STAMBP: variants seen among roughly 807,000 people sequenced by gnomAD.
STAMBP encodes the protein STAM-binding protein.
Under a neutral mutation model 50.7 loss-of-function variants are expected in STAMBP, and 31 were observed. The observed-to-expected ratio is 0.61, with a 90% CI of 0.46 to 0.83. The LOEUF (loss-of-function observed/expected upper bound fraction) is 0.83. STAMBP is among the 40% of genes least tolerant of loss of function. The pLI is 0.00. For missense variants in STAMBP, 472 were observed against 518.9 expected, an observed-to-expected ratio of 0.91 and a Z score of 0.88; for synonymous variants, 211 against 192.4, an observed-to-expected ratio of 1.10 and a Z score of -0.80.
At position 73,860,141 on chromosome 2, in the gene STAMBP, C is replaced by T. The variant is rs771557793; in HGVS notation, c.1208C>T (p.Pro403Leu). The T allele has an allele frequency of 1.2e-6, 2 of 1,613,412 alleles. No homozygotes were observed. Among genetic ancestry groups the T allele is most frequent in the South Asian group, 2.2e-5 (2 of 90,938 alleles). ...KGFHPHSKDPPLFCSCSHVTV... is the reference protein window; with the variant it reads ...KGFHPHSKDPLLFCSCSHVTV... ...TTTCATCCACACAGCAAGGATCCAC[C>T]TCTGTTCTGTGTACGTATCTATGTA... Residue 403 changes from proline (P) to leucine (L), a missense_variant, in exon 9 of 10, where the codon CCT becomes CTT. Physicochemically the swap from Pro to Leu is moderately conservative, Grantham distance 98. Coordinates refer to ENST00000394070, the MANE Select transcript of STAMBP (RefSeq NM_213622.4).
chr2:73,843,259 G>A lies in STAMBP; in HGVS notation c.204-1554G>A, dbSNP rs1482038769. 4.8e-5 allele frequency among the ~76,000 whole-genome samples: 7 copies of A among 144,842 alleles called. No homozygotes were observed. In the Admixed American group the frequency reaches 4.9e-4, roughly 10 times the overall value. Reference sequence around the variant, plus strand: ...GTCACCCAGGCTGGAGTGCAGTGGTGTGATCAAAGCTCACTGTAACCTCAG... The same window carrying A: ...GTCACCCAGGCTGGAGTGCAGTGGTATGATCAAAGCTCACTGTAACCTCAG... On this transcript the variant is annotated intron_variant, in intron 2 of 9. Transcript: ENST00000394070.
In STAMBP at chr2:73,859,157, A is replaced by G. The variant is rs1329484159; in HGVS notation, c.1006-97A>G. 4.6e-6 allele frequency: 4 copies of G among 868,172 alleles called. 1 individual carries two copies. In the South Asian group the frequency reaches 5.8e-5, roughly 13 times the overall value. 53.8% of individuals were successfully genotyped at this position (868,172 alleles called of 1,614,324 possible). On this transcript the variant is annotated intron_variant, in intron 7 of 9. Coordinates refer to ENST00000394070, the MANE Select transcript of STAMBP (RefSeq NM_213622.4). ...ATGTAATATTTTCAGATTGCAGTTG[A>G]TATGGATAGCTTTAAACCTCAGAAA...
chr2:73,829,649 T>C (rs192978555), intron 1 of STAMBP, 139 bp downstream of exon 1: 1 of 152,350 alleles, frequency 6.6e-6, no homozygotes, highest in East Asian at 1.9e-4. Context: ...AGATGGACTA[T>C]CTCTGCATCC....
At chr2:73,857,210 A>G (rs1677657715) in intron 7 of STAMBP, among the ~76,000 whole-genome samples, 1 of 152,116 alleles carries the variant, frequency 6.6e-6, no homozygotes, top group Admixed American at 6.5e-5. Flanking sequence ...GGTCCTCTCC[A>G]TACCCTACCT....
At chr2:73,860,588 A>C in intron 9 of STAMBP, 1 of 982,254 alleles carries the variant, frequency 1.0e-6, no homozygotes, top group Non-Finnish European at 1.2e-6. Context: ...CACTTCAGAT[A>C]GGTAAATTAA....
At chr2:73,859,434 G>A in intron 8 of STAMBP, 68 bp downstream of exon 8, 2 of 1,248,848 alleles carry the variant, frequency 1.6e-6, no homozygotes, top group East Asian at 2.3e-5. Flanking sequence ...CAGGGGAAAA[G>A]GTCTCTATTC....
chr2:73,852,808 G>T (rs1225627444), intron 7 of STAMBP, among the ~76,000 whole-genome samples: 1 of 149,708 alleles, frequency 6.7e-6, no homozygotes, highest in African/African-American at 2.5e-5. Flanking sequence ...GTCCTGAGTA[G>T]CTGTGATTAC....
At position 73,859,264 on chromosome 2, in the gene STAMBP, C is replaced by T. The variant is rs1377004391; in HGVS notation, c.1016C>T (p.Thr339Ile). 6.2e-7 allele frequency: 1 copy of T among 1,613,894 alleles called. No homozygotes were observed. The highest frequency in any genetic ancestry group is 8.5e-7 in the Non-Finnish European group (1 of 1,179,914). The change falls in exon 8 of 10, where the codon ACA becomes ATA. Residue 339 changes from threonine to isoleucine, a missense_variant. Coordinates refer to ENST00000394070, the MANE Select transcript of STAMBP (RefSeq NM_213622.4). Reference sequence around the variant, plus strand: ...TTTTTCTCTCCTCAGACTCACCCCACACAGACCGCGTTTCTCTCCAGTGTC... The same window carrying T: ...TTTTTCTCTCCTCAGACTCACCCCATACAGACCGCGTTTCTCTCCAGTGTC... ...ITLGWIHTHP[T>I]QTAFLSSVDL... is the part of the protein sequence containing the mutation.
downstream of STAMBP, among the ~76,000 whole-genome samples, chr2:73,871,395 A>G (rs1355878333): frequency 1.3e-5 from 2 of 151,844 alleles, no homozygotes; most frequent in Admixed American, 6.6e-5. Context: ...AATACCAAAA[A>G]AAATTAGCCA....
chr2:73,849,154 T>C (rs1676489703), intron 5 of STAMBP, among the ~76,000 whole-genome samples: 1 of 152,202 alleles, frequency 6.6e-6, no homozygotes, highest in Non-Finnish European at 1.5e-5. Flanking sequence ...CTTCTTGAAG[T>C]AATGTGCTCC....
chr2:73,834,388 G>C (rs1403538791), intron 2 of STAMBP, among the ~76,000 whole-genome samples: 2 of 149,674 alleles, frequency 1.3e-5, no homozygotes, highest in Non-Finnish European at 3.0e-5. Flanking sequence ...TATATTGTAT[G>C]TATTATGTAC....
intron 2 of STAMBP, among the ~76,000 whole-genome samples, chr2:73,840,990 G>A (rs1053560919): frequency 1.1e-4 from 17 of 152,120 alleles, no homozygotes; most frequent in African/African-American, 4.1e-4. Context: ...CAATCCGATG[G>A]ATGAAAATGG....
At chr2:73,854,021 T>G (rs934459248) in intron 7 of STAMBP, among the ~76,000 whole-genome samples, 1 of 152,228 alleles carries the variant, frequency 6.6e-6, no homozygotes, top group African/African-American at 2.4e-5. Flanking sequence ...TGTGTAGTTT[T>G]CTGAACATGT....
In STAMBP at chr2:73,844,839, A is replaced by G. The variant is rs150593655; in HGVS notation, c.230A>G (p.His77Arg). The change falls in exon 3 of 10, where the codon CAT becomes CGT. Residue 77 changes from histidine (H) to arginine (R), a missense_variant. Coordinates refer to ENST00000394070, the MANE Select transcript of STAMBP (RefSeq NM_213622.4). ...CTCTTTATTGAGAAACTACCAAAACATCGAGATTACAAATCTGCTGTCATT... is the reference window on the plus strand; with the variant it reads ...CTCTTTATTGAGAAACTACCAAAACGTCGAGATTACAAATCTGCTGTCATT... ...ITLFIEKLPK[H>R]RDYKSAVIPE... 27 of 1,613,974 alleles carry G rather than the reference A, an allele frequency of 1.7e-5. No individual in the cohort carries two copies. The highest frequency in any genetic ancestry group is 2.1e-5 in the Non-Finnish European group (25 of 1,180,004).
intron 9 of STAMBP, 48 bp from the exon 10 acceptor site, chr2:73,862,155 A>T: frequency 6.5e-7 from 1 of 1,532,932 alleles, no homozygotes. Flanking sequence ...AAAAAAAAAG[A>T]CTTTTCAGAA....
rs1558576657 is a variant in STAMBP at position 73,847,497 on chromosome 2, C to T, written c.486C>T (p.Phe162=). 2 of 1,614,166 alleles carry T rather than the reference C, an allele frequency of 1.2e-6. No homozygotes were observed. Among genetic ancestry groups the T allele is most frequent in the South Asian group, 2.2e-5 (2 of 91,080 alleles). The change falls in exon 5 of 10, where the codon TTC becomes TTT. Residue 162 remains phenylalanine (F), a synonymous_variant. Transcript: ENST00000394070. The part of the protein sequence containing the change: ...QKQQQLEQEQ[F]HAFEEMIRNQ... Reference sequence around the variant, plus strand: ...AGCAGCAATTGGAACAGGAACAGTTCCATGCCTTCGAGGAGATGATCCGGA... The same window carrying T: ...AGCAGCAATTGGAACAGGAACAGTTTCATGCCTTCGAGGAGATGATCCGGA...
rs926757786 is a variant in STAMBP, at chr2:73,864,093, T to A, written c.*1834T>A. On this transcript the variant is annotated 3_prime_UTR_variant, in exon 10 of 10. Transcript: ENST00000394070. ...ATGCCTGTGTTCTACCCCCCACCAA[T>A]TAAAGCTGAATCTCTAGGGTGGAGC... 19 of 152,190 alleles carry A rather than the reference T, an allele frequency of 1.2e-4. No homozygotes were observed. The highest frequency in any genetic ancestry group is 3.3e-4 in the Admixed American group (5 of 15,266). The allele number at this position is 152,190 out of a possible 1,614,324, so 9.4% of individuals were successfully genotyped here. A position where few individuals can be genotyped will look rare whatever the true frequency, so the allele number is the denominator to read the frequency against.
Position 73,849,246 on chromosome 2 carries a change from C to G in STAMBP, c.743-117C>G, listed in dbSNP as rs1279731151. 6.7e-6 allele frequency: 10 copies of G among 1,495,184 alleles called. No homozygotes were observed. The East Asian group carries it at 2.3e-4, about 34-fold the overall frequency. The allele number at this position is 1,495,184 out of a possible 1,614,324, so 92.6% of individuals were successfully genotyped here. On this transcript the variant is annotated intron_variant, in intron 5 of 9. Transcript: ENST00000394070. ...TTAGAATGAGATCCCTACTCACTGC[C>G]TGAAGTTGGGGGAATCCCAGTGGCT...
At position 73,863,851 on chromosome 2, in the gene STAMBP, T is replaced by A. The variant is rs929538909; in HGVS notation, c.*1592T>A. The A allele has an allele frequency of 2.6e-5, 4 of 152,188 alleles. No individual in the cohort carries two copies. The highest frequency in any genetic ancestry group is 9.7e-5 in the African/African-American group (4 of 41,446). The allele number at this position is 152,188 out of a possible 1,614,324, so 9.4% of individuals were successfully genotyped here. A position where few individuals can be genotyped will look rare whatever the true frequency, so the allele number is the denominator to read the frequency against. ...CGTTGGCTTTTACCAAGTCTCTTTG[T>A]TTTTAGCATTTCTTCATTCCAGTCT... On this transcript the variant is annotated 3_prime_UTR_variant, in exon 10 of 10. Transcript: ENST00000394070.
Sources: gnomAD v4.1 joint callset for allele counts (sites outside exome capture counted in the v4.1 genomes callset) on GRCh38, gnomAD v4.1.1 for gene constraint, MANE v1.5 for transcripts, NCBI Gene and HGNC (gene_info 2026-07-23, HGNC 2026-07-21) for gene names.